PTGER4: variants seen among roughly 807,000 people sequenced by gnomAD.
The protein encoded by PTGER4 is prostaglandin E receptor 4, also known as prostaglandin E2 receptor EP4 subtype.
Under a neutral mutation model 33.2 loss-of-function variants are expected in PTGER4, and 11 were observed. The observed-to-expected ratio is 0.33, with a 90% CI of 0.21 to 0.55. The LOEUF (loss-of-function observed/expected upper bound fraction) is 0.55. PTGER4 is among the 20% of genes least tolerant of loss of function. PTGER4 has a pLI of 0.92. For missense variants in PTGER4, 481 were observed against 650.2 expected, an observed-to-expected ratio of 0.74 and a Z score of 2.83; for synonymous variants, 275 against 281.5, an observed-to-expected ratio of 0.98 and a Z score of 0.23.
chr5:40,726,022 T>C, the PTGER4 span, among the ~76,000 whole-genome samples: 6 of 151,676 alleles, frequency 4.0e-5, no homozygotes, highest in Non-Finnish European at 8.8e-5. Flanking sequence ...CCTGACCTTG[T>C]GATCCGCCCG....
rs45532235 is a variant in PTGER4, at chr5:40,689,575, T to A, written c.868-2204T>A. Among the ~76,000 whole-genome samples, 633 of 152,276 alleles carry A rather than the reference T, an allele frequency of 4.2e-3. 3 individuals carry two copies. The highest frequency in any genetic ancestry group is 0.015 in the African/African-American group (607 of 41,544). ...ATCTAGTAAGTGCCAAAGGAACACA[T>A]GCAAATGGTCAATGAATCGCCTTTT... On this transcript the variant is annotated intron_variant, in intron 2 of 2. Coordinates refer to ENST00000302472, the MANE Select transcript of PTGER4 (RefSeq NM_000958.3).
In PTGER4 at chr5:40,681,296, C is replaced by A. The variant is rs751789270; in HGVS notation, c.303C>A (p.Phe101Leu). Reference protein sequence around the residue: ...LCEYSTFILLFFSLSGLSIIC... With the variant: ...LCEYSTFILLLFSLSGLSIIC... Reference sequence around the variant, plus strand: ...AGTACAGCACCTTCATTCTGCTCTTCTTCAGCCTGTCCGGCCTCAGCATCA... The same window carrying A: ...AGTACAGCACCTTCATTCTGCTCTTATTCAGCCTGTCCGGCCTCAGCATCA... Residue 101 changes from phenylalanine (F) to leucine (L), a missense_variant, in exon 2 of 3, where the codon TTC becomes TTA. Transcript: ENST00000302472. This position sits in a 1 kb window ranked among gnomAD's most constrained non-coding sequence, Gnocchi z 9.8. The A allele has an allele frequency of 6.2e-7, 1 of 1,614,218 alleles. No homozygotes were observed. Among genetic ancestry groups the A allele is most frequent in the South Asian group, 1.1e-5 (1 of 91,088 alleles).
the PTGER4 span, chr5:40,728,476 C>T: frequency 2.6e-5 from 41 of 1,591,312 alleles, no homozygotes; most frequent in Middle Eastern, 5.0e-4. Context: ...GACATTAGCA[C>T]CTATAGGCAA....
chr5:40,685,397 C>T, intron 2 of PTGER4: 2 of 985,328 alleles, frequency 2.0e-6, no homozygotes, highest in East Asian at 2.3e-4. Flanking sequence ...TGTAGGCAAA[C>T]TGGAAGTGGA....
chr5:40,708,733 A>G, the PTGER4 span, among the ~76,000 whole-genome samples: 1 of 152,216 alleles, frequency 6.6e-6, no homozygotes, highest in African/African-American at 2.4e-5. Context: ...CAACAAAAAA[A>G]GAGAATTTTA....
At chr5:40,719,458 G>A in the PTGER4 span, among the ~76,000 whole-genome samples, 2 of 152,158 alleles carry the variant, frequency 1.3e-5, no homozygotes, top group African/African-American at 2.4e-5. Context: ...GTCAGTTGAT[G>A]GCATTTGAGT....
At chr5:40,716,548 T>TAAAAA in the PTGER4 span, 1 of 1,210,920 alleles carries the variant, frequency 8.3e-7, no homozygotes, top group Non-Finnish European at 1.2e-6. Flanking sequence ...AATTAGTATG[T>TAAAAA]TTAATACAAT....
At chr5:40,702,395 T>C in the PTGER4 span, among the ~76,000 whole-genome samples, 7 of 151,842 alleles carry the variant, frequency 4.6e-5, no homozygotes, top group African/African-American at 1.7e-4. Context: ...ACAAAACAGA[T>C]TTCAAACCAA....
At position 40,693,300 on chromosome 5, in the gene PTGER4, G is replaced by A. The variant is rs1174910825; in HGVS notation, c.*922G>A. 2.1e-6 allele frequency: 2 copies of A among 970,496 alleles called. No homozygotes were observed. Among genetic ancestry groups the A allele is most frequent in the Non-Finnish European group, 2.4e-6 (2 of 816,356 alleles). 60.1% of individuals were successfully genotyped at this position (970,496 alleles called of 1,614,324 possible). A position where few individuals can be genotyped will look rare whatever the true frequency, so the allele number is the denominator to read the frequency against. On this transcript the variant is annotated 3_prime_UTR_variant, in exon 3 of 3. Transcript: ENST00000302472. ...AGTCTTTAATAAATAACCCATAATT[G>A]AAGTGTATAATATAAAAAATTTTAA...
chr5:40,730,802 GA>G, the PTGER4 span, among the ~76,000 whole-genome samples: 50 of 152,122 alleles, frequency 3.3e-4, no homozygotes, highest in African/African-American at 1.1e-3. Flanking sequence ...TGTATGCTCA[GA>G]AAAACTTAGA....
chr5:40,699,436 A>C, the PTGER4 span, among the ~76,000 whole-genome samples: 1 of 152,188 alleles, frequency 6.6e-6, no homozygotes, highest in Non-Finnish European at 1.5e-5. Context: ...CATTATAGAA[A>C]GACATGACAC....
At chr5:40,730,927 A>G in the PTGER4 span, among the ~76,000 whole-genome samples, 1 of 152,188 alleles carries the variant, frequency 6.6e-6, no homozygotes, top group Non-Finnish European at 1.5e-5. Context: ...AGTATATACA[A>G]CATTAAATAA....
the PTGER4 span, among the ~76,000 whole-genome samples, chr5:40,713,434 C>T: frequency 3.9e-5 from 6 of 152,196 alleles, no homozygotes; most frequent in Admixed American, 1.3e-4. Context: ...TTTTACCATA[C>T]GGCATCAATT....
the PTGER4 span, among the ~76,000 whole-genome samples, chr5:40,703,902 C>CAAAAA: frequency 5.4e-5 from 2 of 37,232 alleles, no homozygotes; most frequent in Non-Finnish European, 9.7e-5. Context: ...GACGCCGTCT[C>CAAAAA]AAAAAAAAAA....
At chr5:40,684,120 A>ACC (rs1220263752) in intron 2 of PTGER4, among the ~76,000 whole-genome samples, 61 of 19,590 alleles carry the variant, frequency 3.1e-3, no homozygotes, top group African/African-American at 0.01. Context: ...TATGCCACCC[A>ACC]CCCACCCCCC....
the PTGER4 span, chr5:40,716,600 C>CTAGTACATTAAGA: frequency 1.3e-6 from 1 of 742,280 alleles, no homozygotes; most frequent in Non-Finnish European, 2.2e-6. Context: ...CATACACATC[C>CTAGTACATTAAGA]TAATGCATTA....
chr5:40,700,716 A>T, the PTGER4 span, among the ~76,000 whole-genome samples: 1 of 152,210 alleles, frequency 6.6e-6, no homozygotes, highest in East Asian at 1.9e-4. Flanking sequence ...CCAGAGCTGC[A>T]GTAGGCAGCT....
the PTGER4 span, chr5:40,716,304 C>T: frequency 6.2e-7 from 1 of 1,614,218 alleles, no homozygotes; most frequent in Admixed American, 1.7e-5. Flanking sequence ...CAGCAACAAT[C>T]TCATCACTTT....
At chr5:40,716,512 T>G in the PTGER4 span, 1 of 1,554,476 alleles carries the variant, frequency 6.4e-7, no homozygotes, top group Non-Finnish European at 8.7e-7. Context: ...GAAAATAAGG[T>G]CAGAGTTTTT....
Sources: gnomAD v4.1 joint callset for allele counts (sites outside exome capture counted in the v4.1 genomes callset) on GRCh38, gnomAD v4.1.1 for gene constraint, Gnocchi (gnomAD v3.1) non-coding constraint, MANE v1.5 for transcripts, NCBI Gene and HGNC (gene_info 2026-07-23, HGNC 2026-07-21) for gene names.